PPARG: variants seen among roughly 807,000 people sequenced by gnomAD.
PPARG encodes the protein peroxisome proliferator-activated receptor gamma.
A neutral mutation model predicts 39.2 loss-of-function variants in PPARG; 17 were observed. That is an observed-to-expected ratio of 0.43 (90% CI 0.30 to 0.65). PPARG has a LOEUF of 0.65. PPARG is among the 30% of genes least tolerant of loss of function. PPARG has a pLI of 0.13. For synonymous variants in PPARG, 223 were observed against 215.7 expected (o/e 1.03, Z -0.30); for missense variants, 406 against 585.9 (o/e 0.69, Z 3.17).
chr3:12,302,301 G>A (rs1432183149), intron 1 of PPARG, among the ~76,000 whole-genome samples: 2 of 152,106 alleles, frequency 1.3e-5, no homozygotes, highest in African/African-American at 2.4e-5. Context: ...AAAATATCCC[G>A]AGTAGGTACA....
intron 1 of PPARG, among the ~76,000 whole-genome samples, chr3:12,291,984 T>G (rs572517409): frequency 6.6e-6 from 1 of 152,328 alleles, no homozygotes; most frequent in South Asian, 2.1e-4. Flanking sequence ...TGAATTTAAT[T>G]GAGCTGATAT....
At position 12,416,802 on chromosome 3, in the gene PPARG, C is replaced by T. The variant is rs2051074292; in HGVS notation, c.828C>T (p.Ala276=). 2.5e-6 allele frequency: 4 copies of T among 1,614,104 alleles called. No individual in the cohort carries two copies. Among genetic ancestry groups the T allele is most frequent in the Non-Finnish European group, 3.4e-6 (4 of 1,179,986 alleles). ...TGCAGGAGCAGAGCAAAGAGGTGGC[C>T]ATCCGCATCTTTCAGGGCTGCCAGT... is the stretch of plus-strand genomic sequence containing the variant. The part of the protein sequence containing the change: ...TPLQEQSKEV[A]IRIFQGCQFR... Residue 276 remains alanine, a synonymous_variant, in exon 7 of 8, where the codon GCC becomes GCT. Coordinates refer to ENST00000651735, the MANE Select transcript of PPARG (RefSeq NM_138711.6).
In PPARG at chr3:12,405,705, G is replaced by T. The variant is rs572277450; in HGVS notation, c.530-177G>T. Among the ~76,000 whole-genome samples, 13 of 152,326 alleles carry T rather than the reference G, an allele frequency of 8.5e-5. No individual in the cohort carries two copies. The South Asian group carries it at 2.7e-3, about 32-fold the overall frequency. The stretch of plus-strand genomic sequence containing the variant: ...GTTAACGGTTTAATTTTTACTGATG[G>T]TCTGTGCTACTTTTGTGAAATAAAA... On this transcript the variant is annotated intron_variant, in intron 5 of 7. Transcript: ENST00000651735.
chr3:12,406,100 T>A lies in PPARG; in HGVS notation c.729+19T>A, dbSNP rs1462688663. 3.7e-6 allele frequency: 6 copies of A among 1,612,732 alleles called. No individual in the cohort carries two copies. In the South Asian group the frequency reaches 6.6e-5, roughly 18 times the overall value. ...CAAATCAGTTAGTTCTCTTCTGCTG[T>A]CTTCATTGGGGGAGGCGGGAAGTTG... On this transcript the variant is annotated intron_variant, in intron 6 of 7. Coordinates refer to ENST00000651735, the MANE Select transcript of PPARG (RefSeq NM_138711.6).
chr3:12,369,847 T>C (rs1287383546), intron 2 of PPARG, among the ~76,000 whole-genome samples: 1 of 152,204 alleles, frequency 6.6e-6, no homozygotes, highest in Non-Finnish European at 1.5e-5. Context: ...TCATCACTAA[T>C]TCATCCTCAA....
intron 2 of PPARG, among the ~76,000 whole-genome samples, chr3:12,318,737 G>A (rs1281865582): frequency 6.6e-6 from 1 of 152,012 alleles, no homozygotes. Flanking sequence ...TTTGGGTACC[G>A]CCAATAACTT....
chr3:12,308,425 T>C (rs13061415), intron 1 of PPARG, among the ~76,000 whole-genome samples: 41,576 of 148,904 alleles, frequency 0.28, 5,927 homozygotes, highest in East Asian at 0.33. Context: ...TAGTGGAGGA[T>C]GGGCAAAATA....
chr3:12,342,060 A>G (rs1356625635), intron 2 of PPARG, among the ~76,000 whole-genome samples: 1 of 152,132 alleles, frequency 6.6e-6, no homozygotes, highest in Non-Finnish European at 1.5e-5. Flanking sequence ...TTAGTGGTAG[A>G]TTTTACCATG....
At chr3:12,428,998 A>C (rs2051556177) in intron 7 of PPARG, among the ~76,000 whole-genome samples, 1 of 152,192 alleles carries the variant, frequency 6.6e-6, no homozygotes, top group African/African-American at 2.4e-5. Flanking sequence ...CAGTTTGCCC[A>C]AGGTCACAGA....
At chr3:12,423,947 A>G (rs1388706149) in intron 7 of PPARG, among the ~76,000 whole-genome samples, 1 of 152,194 alleles carries the variant, frequency 6.6e-6, no homozygotes, top group Non-Finnish European at 1.5e-5. Flanking sequence ...GCACTTATTT[A>G]TTAACTGGAA....
At chr3:12,390,888 C>T (rs763850986) in intron 4 of PPARG, among the ~76,000 whole-genome samples, 1 of 151,870 alleles carries the variant, frequency 6.6e-6, no homozygotes, top group South Asian at 2.1e-4. Context: ...TGGACTCAAG[C>T]GATCAATCCG....
At chr3:12,351,404 C>T (rs1016130797) in intron 2 of PPARG, 14 of 632,536 alleles carry the variant, frequency 2.2e-5, no homozygotes, top group Admixed American at 4.7e-5. Context: ...ACAGTGCCAG[C>T]CAATTCAAGC....
chr3:12,429,341 G>A (rs1323373876), intron 7 of PPARG, among the ~76,000 whole-genome samples: 1 of 152,080 alleles, frequency 6.6e-6, no homozygotes, highest in African/African-American at 2.4e-5. Context: ...TTGCATGTTA[G>A]TCCTTGTTTG....
At chr3:12,338,407 TAG>T (rs1475935730) in intron 2 of PPARG, among the ~76,000 whole-genome samples, 1 of 152,026 alleles carries the variant, frequency 6.6e-6, no homozygotes, top group Admixed American at 6.6e-5. Context: ...TATTACTATA[TAG>T]ATATCTCTCT....
At chr3:12,329,506 C>T (rs1206607949) in intron 2 of PPARG, among the ~76,000 whole-genome samples, 2 of 152,170 alleles carry the variant, frequency 1.3e-5, no homozygotes, top group African/African-American at 4.8e-5. Flanking sequence ...GATTGTAGAA[C>T]AAATTTTCCT....
At chr3:12,381,173 T>A in intron 3 of PPARG, 149 bp from the exon 4 acceptor site, 1 of 798,076 alleles carries the variant, frequency 1.3e-6, no homozygotes, top group South Asian at 1.6e-5. Flanking sequence ...TTTTCTTGCC[T>A]TAACTCCAGT....
chr3:12,379,701 C>T lies in PPARG; in HGVS notation c.-8-3C>T. ...TTCACAGCTAGTCTATTTTTCCTTTCAGAAATGACCATGGTTGACACAGAG... is the reference window on the plus strand; with the variant it reads ...TTCACAGCTAGTCTATTTTTCCTTTTAGAAATGACCATGGTTGACACAGAG... On this transcript the variant is annotated splice_region_variant and splice_polypyrimidine_tract_variant and intron_variant, in intron 2 of 7. Transcript: ENST00000651735. 1.2e-6 allele frequency: 2 copies of T among 1,613,146 alleles called. No homozygotes were observed. Among genetic ancestry groups the T allele is most frequent in the Non-Finnish European group, 1.7e-6 (2 of 1,179,208 alleles).
At chr3:12,307,138 CTT>C (rs71268430) in intron 1 of PPARG, among the ~76,000 whole-genome samples, 6 of 128,744 alleles carry the variant, frequency 4.7e-5, no homozygotes, top group East Asian at 2.3e-4. Flanking sequence ...TTAGGAAATT[CTT>C]TTTTTTTTTT....
chr3:12,405,764 C>A, intron 5 of PPARG, 118 bp from the exon 6 acceptor site: 1 of 1,010,262 alleles, frequency 9.9e-7, no homozygotes, highest in Non-Finnish European at 1.5e-6. Flanking sequence ...AACCAGGACT[C>A]AAGAGCAGTG....
Sources: gnomAD v4.1 joint callset for allele counts (sites outside exome capture counted in the v4.1 genomes callset) on GRCh38, gnomAD v4.1.1 for gene constraint, MANE v1.5 for transcripts, NCBI Gene and HGNC (gene_info 2026-07-23, HGNC 2026-07-21) for gene names.